Variants in DAAM1 observed in about 807,000 individuals in gnomAD.
DAAM1 encodes the protein disheveled-associated activator of morphogenesis 1.
In DAAM1, 52 loss-of-function variants were observed where a neutral mutation model predicts 130.0. The ratio of observed to expected loss-of-function variants is 0.40; its 90% CI spans 0.32 to 0.50. The LOEUF is 0.50. Ranked by LOEUF, DAAM1 falls within the 20% of genes least tolerant of loss-of-function variation. The probability of loss-of-function intolerance (pLI) is 0.61; values close to 1 mark genes in which losing one functional copy is unlikely to be tolerated. For missense variants in DAAM1, 1,134 were observed against 1,303.8 expected, an observed-to-expected ratio of 0.87 and a Z score of 2.01; for synonymous variants, 452 against 444.5, an observed-to-expected ratio of 1.02 and a Z score of -0.21.
At chr14:59,363,105 GCCTGTT>G (rs1566510156) in intron 22 of DAAM1, 1 of 153,438 alleles carries the variant, frequency 6.5e-6, no homozygotes, top group East Asian at 1.9e-4. Flanking sequence ...TCCCCTACAG[GCCTGTT>G]CACAAAAACC....
rs1416856021 is a variant in DAAM1, at chr14:59,364,374, ATTTCACATT to A, written c.2826+595_2826+603del. On this transcript the variant is annotated intron_variant, in intron 23 of 24. Coordinates refer to ENST00000360909, the MANE Select transcript of DAAM1 (RefSeq NM_001270520.2). ...GACATTTATTTTTATGATTTCTGCT[ATTTCACATT>A]TTGTGTTCCCTTGGAAGAGAAATTT... 4.7e-5 allele frequency among the ~76,000 whole-genome samples: 7 copies of A among 148,362 alleles called. No individual in the cohort carries two copies. The East Asian group carries it at 1.4e-3, about 29-fold the overall frequency.
chr14:59,273,142 T>G (rs1056372193), intron 2 of DAAM1, among the ~76,000 whole-genome samples: 1 of 152,328 alleles, frequency 6.6e-6, no homozygotes, highest in Non-Finnish European at 1.5e-5. Context: ...TTTCTTAAGT[T>G]TCCTTCTAAT....
chr14:59,291,638 G>T, intron 3 of DAAM1: 1 of 205,856 alleles, frequency 4.9e-6, no homozygotes, highest in Non-Finnish European at 9.5e-6. Context: ...CCAGGTTTGG[G>T]GTCACAGCCC....
intron 15 of DAAM1, among the ~76,000 whole-genome samples, chr14:59,333,649 C>T (rs28661494): frequency 0.22 from 33,123 of 152,024 alleles, 3,707 homozygotes; most frequent in African/African-American, 0.27. Context: ...CTGTTCCATG[C>T]TGGTTGCCTA....
chr14:59,328,187 G>A (rs1280260539), intron 12 of DAAM1, among the ~76,000 whole-genome samples: 1 of 152,152 alleles, frequency 6.6e-6, no homozygotes, highest in Non-Finnish European at 1.5e-5. Flanking sequence ...GAAAAGCAGG[G>A]CCATAACTGA....
At chr14:59,220,128 C>G (rs1043789574) in intron 1 of DAAM1, among the ~76,000 whole-genome samples, 3 of 152,096 alleles carry the variant, frequency 2.0e-5, no homozygotes, top group Non-Finnish European at 4.4e-5. Context: ...TTCAAGGTCT[C>G]TCATCCCAAG....
rs915224606 is a variant in DAAM1 at position 59,216,518 on chromosome 14, C to T, written c.-38+27750C>T. Among the ~76,000 whole-genome samples the T allele has an allele frequency of 2.0e-5, 3 of 152,166 alleles. No individual in the cohort carries two copies. In the South Asian group the frequency reaches 6.2e-4, roughly 32 times the overall value. On this transcript the variant is annotated intron_variant, in intron 1 of 24. Transcript: ENST00000360909. Reference sequence around the variant, plus strand: ...GGTGAATCACTGGAAGTCAGGAGTTCGAGACCAGCCTGGCCAACATGGTGA... The same window carrying T: ...GGTGAATCACTGGAAGTCAGGAGTTTGAGACCAGCCTGGCCAACATGGTGA...
In DAAM1 at chr14:59,366,226, TA is replaced by T. The variant is rs200408627; in HGVS notation, c.2827-1194del. 1.6e-4 allele frequency among the ~76,000 whole-genome samples: 25 copies of T among 151,826 alleles called. No individual in the cohort carries two copies. In the South Asian group the frequency reaches 2.7e-3, roughly 16 times the overall value. ...AACATTGCAATACCCCATATCTTTT[TA>T]AAAAAAAATTTTTTTTAAAGATTGG... On this transcript the variant is annotated intron_variant, in intron 23 of 24. Transcript: ENST00000360909.
intron 1 of DAAM1, among the ~76,000 whole-genome samples, chr14:59,209,897 A>G (rs1354645881): frequency 6.6e-6 from 1 of 152,080 alleles, no homozygotes. Context: ...CAGGAGGATC[A>G]CTTGAGCCCA....
At chr14:59,304,836 T>C (rs576754033) in intron 3 of DAAM1, among the ~76,000 whole-genome samples, 1 of 152,338 alleles carries the variant, frequency 6.6e-6, no homozygotes, top group South Asian at 2.1e-4. Context: ...TGAGGATGCA[T>C]CCCTGAATGG....
chr14:59,306,995 G>A (rs943746338), intron 3 of DAAM1, among the ~76,000 whole-genome samples: 3 of 152,198 alleles, frequency 2.0e-5, no homozygotes, highest in Non-Finnish European at 4.4e-5. Context: ...GGAGTCTGGA[G>A]CAGAGTATTA....
chr14:59,323,353 T>C, intron 6 of DAAM1, 128 bp downstream of exon 6: 2 of 997,358 alleles, frequency 2.0e-6, no homozygotes, highest in Non-Finnish European at 2.9e-6. Context: ...ACAGTGTGAC[T>C]TTAAACATTC....
chr14:59,328,697 C>T (rs193197897), intron 12 of DAAM1, among the ~76,000 whole-genome samples: 46 of 152,296 alleles, frequency 3.0e-4, no homozygotes, highest in African/African-American at 1.1e-3. Context: ...AATATAAGAT[C>T]ATTAGCATAG....
rs1174129756 is a variant in DAAM1 at position 59,370,352 on chromosome 14, C to G, written c.*1493C>G. ...TATTTATTAAGTTCCTACTATGTAC[C>G]AGGCATAGTAGGGCTACAATGGTAA... On this transcript the variant is annotated 3_prime_UTR_variant, in exon 25 of 25. Transcript: ENST00000360909. 1 of 151,670 alleles carries G rather than the reference C, an allele frequency of 6.6e-6. No homozygotes were observed. Among genetic ancestry groups the G allele is most frequent in the Non-Finnish European group, 1.5e-5 (1 of 67,890 alleles). 9.4% of individuals were successfully genotyped at this position (151,670 alleles called of 1,614,324 possible). A position where few individuals can be genotyped will look rare whatever the true frequency, so the allele number is the denominator to read the frequency against.
intron 1 of DAAM1, among the ~76,000 whole-genome samples, chr14:59,257,997 T>C (rs1270964582): frequency 6.6e-6 from 1 of 152,148 alleles, no homozygotes; most frequent in African/African-American, 2.4e-5. Flanking sequence ...ACTACCACCA[T>C]TGCTCTTCAC....
chr14:59,307,005 A>G (rs1207368692), intron 3 of DAAM1, among the ~76,000 whole-genome samples: 2 of 152,222 alleles, frequency 1.3e-5, no homozygotes, highest in Non-Finnish European at 2.9e-5. Flanking sequence ...GCAGAGTATT[A>G]GTCATGCAGT....
In DAAM1 at chr14:59,188,754, G is replaced by C. The variant is rs1268094033; in HGVS notation, c.-52G>C. ...GAGTGCAGAGCCGCCTTTCCAGCATGCAGGGGCTGCTCAGGTAAGGGGGAC... is the reference window on the plus strand; with the variant it reads ...GAGTGCAGAGCCGCCTTTCCAGCATCCAGGGGCTGCTCAGGTAAGGGGGAC... On this transcript the variant is annotated 5_prime_UTR_variant, in exon 1 of 25. The change abolishes an upstream ATG in the 5' untranslated region. Transcript: ENST00000360909. 6.5e-6 allele frequency: 1 copy of C among 153,004 alleles called. No individual in the cohort carries two copies. The highest frequency in any genetic ancestry group is 1.5e-5 in the Non-Finnish European group (1 of 68,340). 9.5% of individuals were successfully genotyped at this position (153,004 alleles called of 1,614,324 possible). A position where few individuals can be genotyped will look rare whatever the true frequency, so the allele number is the denominator to read the frequency against.
Position 59,355,199 on chromosome 14 carries a change from T to A in DAAM1, c.2391T>A (p.Ser797Arg), listed in dbSNP as rs376681226. ...IRSGSEEVFR[S>R]GALKQLLEVV... ...CTGGCTCAGAAGAGGTGTTTAGGAG[T>A]GGTGCCCTCAAGCAGTTGCTGGAGG... Residue 797 changes from serine to arginine, a missense_variant, in exon 20 of 25, where the codon AGT (serine) becomes AGA (arginine). By Grantham distance (110) the Ser-to-Arg change is moderately radical. Coordinates refer to ENST00000360909, the MANE Select transcript of DAAM1 (RefSeq NM_001270520.2). 20 of 1,614,008 alleles carry A rather than the reference T, an allele frequency of 1.2e-5. No homozygotes were observed. The highest frequency in any genetic ancestry group is 1.6e-5 in the Non-Finnish European group (19 of 1,180,020).
intron 1 of DAAM1, among the ~76,000 whole-genome samples, chr14:59,228,174 G>C (rs1045628653): frequency 6.6e-6 from 1 of 151,870 alleles, no homozygotes; most frequent in African/African-American, 2.4e-5. Context: ...TTAAATTTGT[G>C]GCATGATGGG....
Sources: allele counts gnomAD v4.1 joint callset (sites outside exome capture counted in the v4.1 genomes callset), GRCh38; gene constraint gnomAD v4.1.1; transcripts MANE v1.5; gene names NCBI Gene and HGNC (gene_info 2026-07-23, HGNC 2026-07-21).